Variants in PKHD1 observed in about 807,000 individuals in gnomAD.
PKHD1 encodes PKHD1 ciliary IPT domain containing fibrocystin/polyductin.
A neutral mutation model predicts 412.0 loss-of-function variants in PKHD1; 291 were observed. The ratio of observed to expected loss-of-function variants is 0.71; its 90% CI spans 0.64 to 0.78. The LOEUF (loss-of-function observed/expected upper bound fraction) is 0.78, where lower values mean the gene tolerates loss of function less well. Among genes scored for constraint, PKHD1 ranks in the 30% least tolerant of loss-of-function variants. The pLI, the probability that PKHD1 is intolerant of heterozygous loss-of-function variation, is 0.00. For missense variants in PKHD1, 4,825 were observed against 4,950.7 expected (o/e 0.97, Z 0.76); for synonymous variants, 1,777 against 1,821.5 (o/e 0.98, Z 0.62).
In PKHD1 at chr6:51,659,323, C is replaced by A; in HGVS notation, c.10803G>T (p.Met3601Ile). The A allele has an allele frequency of 1.2e-6, 2 of 1,613,882 alleles. No homozygotes were observed. The highest frequency in any genetic ancestry group is 1.7e-6 in the Non-Finnish European group (2 of 1,179,892). ...GQNQIRFIHE[M>I]PGHEETLKAI... The stretch of plus-strand genomic sequence containing the variant: ...CCTTTAAGGTCTCTTCATGGCCAGG[C>A]ATCTCGTGAATAAACCTGATTTGGT... Residue 3601 changes from methionine (M) to isoleucine (I), a missense_variant, in exon 61 of 67, where the codon ATG becomes ATT. By Grantham distance (10) the Met-to-Ile change is conservative. Coordinates refer to ENST00000371117, the MANE Select transcript of PKHD1 (RefSeq NM_138694.4).
intron 57 of PKHD1, among the ~76,000 whole-genome samples, chr6:51,749,035 T>C (rs548026874): frequency 7.2e-5 from 11 of 152,238 alleles, no homozygotes; most frequent in Non-Finnish European, 1.6e-4. Context: ...GCCCTTCACC[T>C]CAAAGTCAAG....
chr6:51,809,034 A>G (rs1292560521), intron 52 of PKHD1, among the ~76,000 whole-genome samples: 1 of 152,142 alleles, frequency 6.6e-6, no homozygotes, highest in Non-Finnish European at 1.5e-5. Flanking sequence ...TGAAAGAGAT[A>G]TACTGAATAA....
rs1421561848 is a variant in PKHD1, at chr6:52,043,676, G to A, written c.2770C>T (p.Gln924Ter). ...CAGGGAGTTGACCCTTGGAGGTACT[G>A]GAAAGAGCAGGAACCTGGGCAATGA... is the stretch of plus-strand genomic sequence containing the variant. ...PAHCPGSCSF[Q>*]YLQGSTPCVH... The change falls in exon 26 of 67, where the codon CAG (glutamine) becomes TAG (stop). Residue 924 changes from glutamine to a stop codon, truncating the protein, a stop_gained. Coordinates refer to ENST00000371117, the MANE Select transcript of PKHD1 (RefSeq NM_138694.4). LOFTEE classifies it high-confidence loss of function. The A allele has an allele frequency of 6.2e-7, 1 of 1,613,562 alleles. No individual in the cohort carries two copies. Among genetic ancestry groups the A allele is most frequent in the East Asian group, 2.2e-5 (1 of 44,868 alleles).
intron 62 of PKHD1, among the ~76,000 whole-genome samples, 163 bp from the exon 63 acceptor site, chr6:51,648,281 A>G (rs974877864): frequency 6.6e-6 from 1 of 152,226 alleles, no homozygotes; most frequent in African/African-American, 2.4e-5. Context: ...TGTTAAGAAT[A>G]TATCAGAATT....
At chr6:52,057,932 G>A (rs1194044009) in intron 16 of PKHD1, among the ~76,000 whole-genome samples, 1 of 152,168 alleles carries the variant, frequency 6.6e-6, no homozygotes, top group Non-Finnish European at 1.5e-5. Flanking sequence ...CCTTTTCAAA[G>A]TAGACTTAGA....
chr6:52,006,379 T>TTTGG (rs1799064219), intron 35 of PKHD1, among the ~76,000 whole-genome samples: 1 of 150,858 alleles, frequency 6.6e-6, no homozygotes, highest in Admixed American at 6.6e-5. Context: ...TTGTTGTTTG[T>TTTGG]TTGTTTGTTT....
At chr6:51,814,354 G>A (rs961946720) in intron 52 of PKHD1, among the ~76,000 whole-genome samples, 1 of 152,160 alleles carries the variant, frequency 6.6e-6, no homozygotes. Flanking sequence ...CAAAACTTGG[G>A]CTTCCTCACA....
chr6:51,808,133 A>G (rs1468952163), intron 52 of PKHD1, among the ~76,000 whole-genome samples: 1 of 152,210 alleles, frequency 6.6e-6, no homozygotes, highest in Admixed American at 6.6e-5. Flanking sequence ...ATCTTTCTAT[A>G]CTAATATGGA....
intron 52 of PKHD1, among the ~76,000 whole-genome samples, chr6:51,798,409 A>T (rs1391714410): frequency 1.3e-5 from 2 of 151,996 alleles, no homozygotes; most frequent in Non-Finnish European, 1.5e-5. Flanking sequence ...AAAAGAAATT[A>T]TGTGTTGGAA....
At chr6:51,784,175 G>A (rs1792491658) in intron 53 of PKHD1, among the ~76,000 whole-genome samples, 1 of 152,188 alleles carries the variant, frequency 6.6e-6, no homozygotes, top group Non-Finnish European at 1.5e-5. Context: ...CAACATGAAT[G>A]AGTAGCACGG....
intron 36 of PKHD1, among the ~76,000 whole-genome samples, chr6:51,950,220 A>AAAATATATATATATATATATAT: frequency 7.3e-4 from 72 of 98,270 alleles, no homozygotes; most frequent in Middle Eastern, 4.8e-3. Context: ...GAAAAAAAAA[A>AAAATATATATATATATATATAT]ATATATATAT....
Position 51,649,084 on chromosome 6 carries a change from C to A in PKHD1, c.11310+1G>T, listed in dbSNP as rs1365407882. 1 of 1,613,472 alleles carries A rather than the reference C, an allele frequency of 6.2e-7. No individual in the cohort carries two copies. The highest frequency in any genetic ancestry group is 8.5e-7 in the Non-Finnish European group (1 of 1,179,590). On this transcript the variant is annotated splice_donor_variant, in intron 62 of 66. Coordinates refer to ENST00000371117, the MANE Select transcript of PKHD1 (RefSeq NM_138694.4). LOFTEE classifies it high-confidence loss of function. Reference sequence around the variant, plus strand: ...CAGATTTGTTACCTGTGAAAAGTTACCTGCTCATCCAAAAATACCAATTGT... The same window carrying A: ...CAGATTTGTTACCTGTGAAAAGTTAACTGCTCATCCAAAAATACCAATTGT...
At chr6:51,749,114 A>G (rs1785670251) in intron 57 of PKHD1, among the ~76,000 whole-genome samples, 1 of 152,214 alleles carries the variant, frequency 6.6e-6, no homozygotes, top group South Asian at 2.1e-4. Flanking sequence ...CACTGCACAA[A>G]TGAATATTAA....
At chr6:51,783,713 TAAC>T (rs1437880917) in intron 53 of PKHD1, among the ~76,000 whole-genome samples, 2 of 152,132 alleles carry the variant, frequency 1.3e-5, no homozygotes, top group South Asian at 2.1e-4. Context: ...TTAAATCAAA[TAAC>T]AAACAAATGT....
At chr6:51,722,335 G>C (rs898946801) in intron 60 of PKHD1, among the ~76,000 whole-genome samples, 2 of 152,090 alleles carry the variant, frequency 1.3e-5, no homozygotes, top group Non-Finnish European at 2.9e-5. Context: ...TGAGGTTCAA[G>C]GTTGCGTCTC....
Position 52,022,527 on chromosome 6 carries a change from A to C in PKHD1, c.5380+274T>G, listed in dbSNP as rs370703871. On this transcript the variant is annotated intron_variant, in intron 33 of 66. Transcript: ENST00000371117. ...AGAATTCAGAATTACTTCCTCTGTC[A>C]TCCTAAGACTGCAGTTAAGAACACA... is the stretch of plus-strand genomic sequence containing the variant. Among the ~76,000 whole-genome samples the C allele has an allele frequency of 2.0e-4, 30 of 152,286 alleles. No individual in the cohort carries two copies. The South Asian group carries it at 6.0e-3, about 31-fold the overall frequency.
intron 57 of PKHD1, among the ~76,000 whole-genome samples, chr6:51,750,763 A>G (rs551907248): frequency 1.1e-4 from 17 of 152,148 alleles, no homozygotes; most frequent in African/African-American, 3.9e-4. Flanking sequence ...AAATGTCTTG[A>G]GCATTAAATA....
rs745387993 is a variant in PKHD1, at chr6:52,024,574, C to G, written c.5236G>C (p.Gly1746Arg). ...VIITAVTENF[G>R]CLGGRLVHVF... ...GTGCTGTCTTATTTGCTTGACTTAC[C>G]GAAGTTCTCCGTCACTGCTGTAATA... Residue 1746 changes from glycine to arginine, a missense_variant and splice_region_variant, in exon 32 of 67, where the codon GGC (glycine) becomes CGC (arginine). Gly to Arg is a moderately radical substitution (Grantham distance 125). Coordinates refer to ENST00000371117, the MANE Select transcript of PKHD1 (RefSeq NM_138694.4). The G allele has an allele frequency of 3.1e-6, 5 of 1,613,580 alleles. No individual in the cohort carries two copies. The highest frequency in any genetic ancestry group is 4.2e-6 in the Non-Finnish European group (5 of 1,179,806).
At position 51,659,072 on chromosome 6, in the gene PKHD1, T is replaced by G. The variant is rs749340422; in HGVS notation, c.11054A>C (p.Lys3685Thr). The G allele has an allele frequency of 6.2e-7, 1 of 1,613,776 alleles. No homozygotes were observed. Among genetic ancestry groups the G allele is most frequent in the Non-Finnish European group, 8.5e-7 (1 of 1,179,830 alleles). ...TGMISSLSSN[K>T]LQNLAHRVIT... ...GACTCGATGAGCCAAATTCTGTAAT[T>G]TGTTACTTGATAAGGATGAAATCAT... The change falls in exon 61 of 67, where the codon AAA (lysine) becomes ACA (threonine). Residue 3685 changes from lysine to threonine, a missense_variant. Transcript: ENST00000371117.
Sources: allele counts gnomAD v4.1 joint callset (sites outside exome capture counted in the v4.1 genomes callset), GRCh38; gene constraint gnomAD v4.1.1; transcripts MANE v1.5; gene names NCBI Gene and HGNC (gene_info 2026-07-23, HGNC 2026-07-21).